CDC42BPG: variants seen among roughly 807,000 people sequenced by gnomAD.
The protein encoded by CDC42BPG is serine/threonine-protein kinase MRCK gamma.
In CDC42BPG, 157 loss-of-function variants were observed where a neutral mutation model predicts 192.2. The ratio of observed to expected loss-of-function variants is 0.82; its 90% CI spans 0.72 to 0.93. CDC42BPG has a LOEUF of 0.93. Among genes scored for constraint, CDC42BPG ranks in the 40% least tolerant of loss-of-function variants. The pLI is 0.00. For synonymous variants in CDC42BPG, 981 were observed against 918.5 expected (o/e 1.07, Z -1.23); for missense variants, 1,992 against 2,122.1 (o/e 0.94, Z 1.20).
chr11:64,828,299 T>C (rs1565671334), intron 30 of CDC42BPG, among the ~76,000 whole-genome samples: 2 of 150,962 alleles, frequency 1.3e-5, no homozygotes, highest in African/African-American at 4.9e-5. Flanking sequence ...ATTCATTCAC[T>C]CTTCCACTCA....
At position 64,835,637 on chromosome 11, in the gene CDC42BPG, G is replaced by A. The variant is rs759282653; in HGVS notation, c.1759-16C>T. ...TGTGGATGGTCTTGGGGACATGGAG[G>A]GGGTCAGGGCAGAGACCCAAGATGC... On this transcript the variant is annotated splice_polypyrimidine_tract_variant and intron_variant, in intron 14 of 36. Coordinates refer to ENST00000342711, the MANE Select transcript of CDC42BPG (RefSeq NM_017525.3). 10 of 1,569,740 alleles carry A rather than the reference G, an allele frequency of 6.4e-6. No homozygotes were observed. The highest frequency in any genetic ancestry group is 3.6e-5 in the South Asian group (3 of 84,366).
intron 1 of CDC42BPG, among the ~76,000 whole-genome samples, chr11:64,843,346 G>T (rs572076906): frequency 5.1e-4 from 78 of 152,216 alleles, no homozygotes; most frequent in African/African-American, 1.8e-3. Flanking sequence ...TGTCATGGGG[G>T]GGGTGACAAC....
At chr11:64,841,134 G>A (rs1352572408) in intron 3 of CDC42BPG, among the ~76,000 whole-genome samples, 1 of 149,730 alleles carries the variant, frequency 6.7e-6, no homozygotes, top group Non-Finnish European at 1.5e-5. Context: ...CTGGGTGACA[G>A]AGTGAGACTC....
Position 64,834,301 on chromosome 11 carries a change from A to G in CDC42BPG, c.2378T>C (p.Met793Thr). 6.3e-7 allele frequency: 1 copy of G among 1,581,016 alleles called. No individual in the cohort carries two copies. The highest frequency in any genetic ancestry group is 8.6e-7 in the Non-Finnish European group (1 of 1,168,264). The stretch of plus-strand genomic sequence containing the variant: ...TCGGGCCCGCAGCTCCTCCCGCAGC[A>G]TGGCGAGCTCCTGTTGCAGGGCCTG... ...QSQALQQELA[M>T]LREELRARGP... The change falls in exon 20 of 37, where the codon ATG (methionine) becomes ACG (threonine). Residue 793 changes from methionine (M) to threonine (T), a missense_variant. Physicochemically the swap from Met to Thr is moderately conservative, Grantham distance 81. Coordinates refer to ENST00000342711, the MANE Select transcript of CDC42BPG (RefSeq NM_017525.3).
rs775828775 is a variant in CDC42BPG at position 64,834,947 on chromosome 11, CCTT to C, written c.2074_2076del (p.Lys692del). 9.3e-6 allele frequency: 15 copies of C among 1,614,100 alleles called. No homozygotes were observed. Among genetic ancestry groups the C allele is most frequent in the Non-Finnish European group, 1.0e-5 (12 of 1,180,006 alleles). On this transcript the variant is annotated inframe_deletion, in exon 18 of 37. Transcript: ENST00000342711. Reference sequence around the variant, plus strand: ...AGGGCCTGCAGGTAGCCTCTTGAGACCTTCTCATCATTCACCCTGAATGGGAAG... The same window carrying C: ...AGGGCCTGCAGGTAGCCTCTTGAGACCTCATCATTCACCCTGAATGGGAAG...
rs200964503 is a variant in CDC42BPG at position 64,833,755 on chromosome 11, G to A, written c.2548C>T (p.Arg850Cys). 20 of 1,614,106 alleles carry A rather than the reference G, an allele frequency of 1.2e-5. No individual in the cohort carries two copies. In the Admixed American group the frequency reaches 1.5e-4, roughly 12 times the overall value. Residue 850 changes from arginine (R) to cysteine (C), a missense_variant, in exon 22 of 37, where the codon CGC (arginine) becomes TGC (cysteine). Coordinates refer to ENST00000342711, the MANE Select transcript of CDC42BPG (RefSeq NM_017525.3). ...GEPDLRPEGRRSLRMGAVFPR... is the reference protein window; with the variant it reads ...GEPDLRPEGRCSLRMGAVFPR... ...GTCCTCACCCCCATGCGCAGGCTGCGTCGGCCCTCCGGCCTCAGATCTGGC... is the reference window on the plus strand; with the variant it reads ...GTCCTCACCCCCATGCGCAGGCTGCATCGGCCCTCCGGCCTCAGATCTGGC...
Position 64,826,669 on chromosome 11 carries a change from A to G in CDC42BPG, c.4513+2T>C. On this transcript the variant is annotated splice_donor_variant, in intron 35 of 36. Transcript: ENST00000342711. LOFTEE classifies it high-confidence loss of function. The stretch of plus-strand genomic sequence containing the variant: ...CACTGGAGGCTGAGGGGCTGCCCTT[A>G]CTGGGGTCTGCGTCTCCACCGAGGC... 1 of 1,574,004 alleles carries G rather than the reference A, an allele frequency of 6.4e-7. No individual in the cohort carries two copies. Among genetic ancestry groups the G allele is most frequent in the Non-Finnish European group, 8.6e-7 (1 of 1,160,020 alleles).
At position 64,833,009 on chromosome 11, in the gene CDC42BPG, C is replaced by A. The variant is rs1043818788; in HGVS notation, c.2732-50G>T. 23 of 1,489,746 alleles carry A rather than the reference C, an allele frequency of 1.5e-5. No individual in the cohort carries two copies. In the African/African-American group the frequency reaches 2.7e-4, roughly 17 times the overall value. 92.3% of individuals were successfully genotyped at this position (1,489,746 alleles called of 1,614,324 possible). On this transcript the variant is annotated intron_variant, in intron 24 of 36. Transcript: ENST00000342711. ...ATGAGGTGAGGCTGGGAGGGGACAG[C>A]CCCAAACCAGGACGGGGGCATGTCC...
At chr11:64,826,920 G>A (rs1208940530) in intron 34 of CDC42BPG, 126 bp from the exon 35 acceptor site, 19 of 1,221,332 alleles carry the variant, frequency 1.6e-5, no homozygotes, top group Non-Finnish European at 2.2e-5. Context: ...TAAGTCCCAG[G>A]TAGCAGAAGT....
chr11:64,843,333 G>C (rs1244995605), intron 1 of CDC42BPG, among the ~76,000 whole-genome samples: 1 of 151,862 alleles, frequency 6.6e-6, no homozygotes, highest in African/African-American at 2.4e-5. Context: ...ACACGTGTGT[G>C]GGTGTCATGG....
intron 14 of CDC42BPG, 35 bp from the exon 15 acceptor site, chr11:64,835,656 A>C: frequency 6.3e-7 from 1 of 1,580,412 alleles, no homozygotes; most frequent in Non-Finnish European, 8.6e-7. Flanking sequence ...GCAGAGACCC[A>C]AGATGCCATG....
In CDC42BPG at chr11:64,836,806, G is replaced by C. The variant is rs1452727257; in HGVS notation, c.1317C>G (p.Ala439=). ...GCTCCAGCTCCCGATGGTCTGTGGG[G>C]GCGTGCAGGGCCTCTGGAGGGGAGG... The part of the protein sequence containing the change: ...LSRKHQEALH[A]PTDHRELEQL... The change falls in exon 11 of 37, where the codon GCC becomes GCG. Residue 439 remains alanine, a synonymous_variant. Transcript: ENST00000342711. 6.2e-7 allele frequency: 1 copy of C among 1,606,188 alleles called. No individual in the cohort carries two copies. Among genetic ancestry groups the C allele is most frequent in the Non-Finnish European group, 8.5e-7 (1 of 1,176,386 alleles).
At chr11:64,833,397 G>A in intron 23 of CDC42BPG, 61 bp from the exon 24 acceptor site, 1 of 1,036,780 alleles carries the variant, frequency 9.6e-7, no homozygotes, top group Admixed American at 2.5e-5. Flanking sequence ...ATCCCTGAGG[G>A]GTCAGGAAAG....
At chr11:64,834,402 GC>G (rs1942868366) in intron 19 of CDC42BPG, 26 bp downstream of exon 19, 4 of 1,559,526 alleles carry the variant, frequency 2.6e-6, no homozygotes, top group Admixed American at 1.8e-5. Flanking sequence ...GCGGGCCCTG[GC>G]CCCCAGTGCC....
chr11:64,835,017 T>TGGCCCCCCCCCCCCCC, intron 17 of CDC42BPG, 30 bp downstream of exon 17: 16 of 1,571,918 alleles, frequency 1.0e-5, no homozygotes, highest in Non-Finnish European at 1.4e-5. Context: ...TCGCCTGCGT[T>TGGCCCCCCCCCCCCCC]CCCCACCCCG....
Position 64,834,433 on chromosome 11 carries a change from C to T in CDC42BPG, c.2320G>A (p.Glu774Lys). 1.9e-6 allele frequency: 3 copies of T among 1,565,184 alleles called. No individual in the cohort carries two copies. Among genetic ancestry groups the T allele is most frequent in the African/African-American group, 1.4e-5 (1 of 73,994 alleles). ...AGTGCCTGCCCCTAGCCTCACCGCTCAGCCTGCAGCTGGGCCTCCTGCACC... is the reference window on the plus strand; with the variant it reads ...AGTGCCTGCCCCTAGCCTCACCGCTTAGCCTGCAGCTGGGCCTCCTGCACC... ...TQVQEAQLQA[E>K]RRLQEAEKQS... Residue 774 changes from glutamate to lysine, a missense_variant, in exon 19 of 37, where the codon GAG (glutamate) becomes AAG (lysine). Glu to Lys is a moderately conservative substitution (Grantham distance 56). Around this residue, in one of 2 missense-constraint regions of CDC42BPG, gnomAD observed 1,656 missense variants for 1,844.3 expected, o/e 0.90. Transcript: ENST00000342711.
At chr11:64,837,933 C>G in intron 9 of CDC42BPG, 150 bp downstream of exon 9, 1 of 691,820 alleles carries the variant, frequency 1.4e-6, no homozygotes, top group Non-Finnish European at 2.6e-6. Flanking sequence ...TCACCAGGAC[C>G]CCGAGGATGA....
chr11:64,824,589 G>T (rs1373763419), intron 36 of CDC42BPG, 60 bp from the exon 37 acceptor site: 2 of 1,246,278 alleles, frequency 1.6e-6, no homozygotes, highest in Non-Finnish European at 2.3e-6. Flanking sequence ...TTCCTCATAG[G>T]GCTGGTGGGT....
chr11:64,829,668 G>A lies in CDC42BPG; in HGVS notation c.3770C>T (p.Pro1257Leu), dbSNP rs201515114. 1.1e-5 allele frequency: 18 copies of A among 1,611,678 alleles called. No individual in the cohort carries two copies. The Admixed American group carries it at 1.5e-4, about 13-fold the overall frequency. Residue 1257 changes from proline (P) to leucine (L), a missense_variant, in exon 30 of 37, where the codon CCG becomes CTG. By Grantham distance (98) the Pro-to-Leu change is moderately conservative (BLOSUM62 -3). Around this residue, in one of 2 missense-constraint regions of CDC42BPG, gnomAD observed 1,656 missense variants for 1,844.3 expected, o/e 0.90. Transcript: ENST00000342711. ...CACCAAACCGGCCCCCAGCGCCAACGGCGCAGCCTCGTTGAGCAGCGGGTA... is the reference window on the plus strand; with the variant it reads ...CACCAAACCGGCCCCCAGCGCCAACAGCGCAGCCTCGTTGAGCAGCGGGTA... ...ALYPLLNEAA[P>L]LALGAGLVPE...
Sources: gnomAD v4.1 joint callset for allele counts (sites outside exome capture counted in the v4.1 genomes callset) on GRCh38, gnomAD v4.1.1 for gene constraint, gnomAD v4.1.1 regional missense constraint, MANE v1.5 for transcripts, NCBI Gene and HGNC (gene_info 2026-07-23, HGNC 2026-07-21) for gene names.